MYO5B: variants seen among roughly 807,000 people sequenced by gnomAD.
MYO5B encodes myosin VB.
A neutral mutation model predicts 229.3 loss-of-function variants in MYO5B; 143 were observed. The ratio of observed to expected loss-of-function variants is 0.62; its 90% confidence interval spans 0.54 to 0.72. MYO5B has a LOEUF of 0.72. Among genes scored for constraint, MYO5B ranks in the 30% least tolerant of loss-of-function variants. The pLI, the probability that MYO5B is intolerant of heterozygous loss-of-function variation, is 0.00. For synonymous variants in MYO5B, 918 were observed against 885.2 expected (o/e 1.04, Z -0.66); for missense variants, 2,321 against 2,331.0 (o/e 1.00, Z 0.09).
At position 50,147,679 on chromosome 18, in the gene MYO5B, C is replaced by T. The variant is rs74550392; in HGVS notation, c.27+47088G>A. 3.3e-3 allele frequency among the ~76,000 whole-genome samples: 509 copies of T among 152,278 alleles called. 10 individuals carry two copies. The East Asian group carries it at 0.081, about 24-fold the overall frequency. On this transcript the variant is annotated intron_variant, in intron 1 of 39. Coordinates refer to ENST00000285039, the MANE Select transcript of MYO5B (RefSeq NM_001080467.3). ...TAACATCTTCGGTAGCATACAAGAC[C>T]GTTCCTGAGCCTGGCCCCAGTGACC...
chr18:50,122,627 G>GGGGGGAGAGAAAGAGAGGGAGGGAGGGAA (rs1491122621), intron 1 of MYO5B, among the ~76,000 whole-genome samples: 33 of 2,328 alleles, frequency 0.014, 1 homozygote, highest in African/African-American at 0.029. Context: ...AGGGAGGGAA[G>GGGGGGAGAGAAAGAGAGGGAGGGAGGGAA]GGGGGGGGAG....
At chr18:49,956,909 G>A (rs989096314) in intron 12 of MYO5B, among the ~76,000 whole-genome samples, 22 of 152,080 alleles carry the variant, frequency 1.4e-4, no homozygotes, top group Non-Finnish European at 8.8e-5. Context: ...TGGTTGCCTG[G>A]GGCTGGAGGG....
chr18:49,848,165 G>A (rs2024153761), intron 32 of MYO5B, among the ~76,000 whole-genome samples: 1 of 152,220 alleles, frequency 6.6e-6, no homozygotes, highest in Admixed American at 6.5e-5. Context: ...TCGAACTAAG[G>A]AGACACATCT....
At chr18:50,143,467 T>C (rs1005258903) in intron 1 of MYO5B, among the ~76,000 whole-genome samples, 1 of 152,138 alleles carries the variant, frequency 6.6e-6, no homozygotes, top group African/African-American at 2.4e-5. Flanking sequence ...GCATTCTGTA[T>C]TTAGGAGTTG....
chr18:49,972,392 A>G (rs768092838), intron 10 of MYO5B, among the ~76,000 whole-genome samples: 7 of 152,244 alleles, frequency 4.6e-5, no homozygotes, highest in Non-Finnish European at 8.8e-5. Flanking sequence ...GGAAGATCAC[A>G]GGGAAGGAGA....
rs1042016761 is a variant in MYO5B at position 50,036,815 on chromosome 18, A to T, written c.455+35T>A. The T allele has an allele frequency of 3.1e-6, 5 of 1,613,282 alleles. No individual in the cohort carries two copies. In the South Asian group the frequency reaches 5.5e-5, roughly 18 times the overall value. On this transcript the variant is annotated intron_variant, in intron 4 of 39. Coordinates refer to ENST00000285039, the MANE Select transcript of MYO5B (RefSeq NM_001080467.3). ...AAACTCCCCTTCCTGCCCACTGACT[A>T]CTCAGGAGGACTTCTGGGCTGAGGA... is the stretch of plus-strand genomic sequence containing the variant.
In MYO5B at chr18:49,837,616, T is replaced by A. The variant is rs1202809704; in HGVS notation, c.5039A>T (p.Gln1680Leu). Residue 1680 changes from glutamine (Q) to leucine (L), a missense_variant, in exon 37 of 40, where the codon CAG becomes CTG. Gln to Leu is a moderately radical substitution (Grantham distance 113). Transcript: ENST00000285039. Reference protein sequence around the residue: ...DQGLDPEIILQVFKQLFYMIN... With the variant: ...DQGLDPEIILLVFKQLFYMIN... ...CATGTAGAAGAGCTGTTTGAATACC[T>A]GCAGGATGATCTCAGGGTCCAAGCC... The A allele has an allele frequency of 1.2e-5, 19 of 1,614,014 alleles. No homozygotes were observed. Among genetic ancestry groups the A allele is most frequent in the Non-Finnish European group, 1.5e-5 (18 of 1,179,846 alleles).
Position 49,902,824 on chromosome 18 carries a change from C to T in MYO5B, c.2581G>A (p.Glu861Lys). ...TTCTGGATGGTGGTGGCCTTGTGCT[C>T]CATGAGGACCTGGCGGGAAACAAGG... is the stretch of plus-strand genomic sequence containing the variant. ...VRRTYRQVLM[E>K]HKATTIQKHV... is the part of the protein sequence containing the mutation. The change falls in exon 21 of 40, where the codon GAG (glutamate) becomes AAG (lysine). Residue 861 changes from glutamate (E) to lysine (K), a missense_variant. Around this residue, in one of 2 missense-constraint regions of MYO5B, gnomAD observed 2,113 missense variants for 2,044.7 expected, o/e 1.03. Transcript: ENST00000285039. 1 of 1,600,286 alleles carries T rather than the reference C, an allele frequency of 6.2e-7. No individual in the cohort carries two copies. Among genetic ancestry groups the T allele is most frequent in the Non-Finnish European group, 8.5e-7 (1 of 1,179,874 alleles).
intron 5 of MYO5B, among the ~76,000 whole-genome samples, chr18:49,994,890 T>A (rs2025970714): frequency 6.6e-6 from 1 of 152,222 alleles, no homozygotes; most frequent in African/African-American, 2.4e-5. Flanking sequence ...TTCCCGGACC[T>A]TCAACATAAG....
Position 49,826,244 on chromosome 18 carries a change from C to A in MYO5B, c.*227G>T. The A allele has an allele frequency of 1.8e-6, 1 of 548,928 alleles. No homozygotes were observed. Among genetic ancestry groups the A allele is most frequent in the African/African-American group, 1.9e-5 (1 of 52,692 alleles). 34.0% of individuals were successfully genotyped at this position (548,928 alleles called of 1,614,324 possible). ...TTATGTATATGTGTTGGACTGAAAT[C>A]AAACTTAAAATCTTCCATATTTCAA... is the stretch of plus-strand genomic sequence containing the variant. On this transcript the variant is annotated 3_prime_UTR_variant, in exon 40 of 40. Coordinates refer to ENST00000285039, the MANE Select transcript of MYO5B (RefSeq NM_001080467.3).
chr18:49,965,550 C>A (rs555146498), intron 10 of MYO5B, among the ~76,000 whole-genome samples: 7 of 152,018 alleles, frequency 4.6e-5, no homozygotes, highest in Non-Finnish European at 5.9e-5. Flanking sequence ...TGAGAGCCCA[C>A]AGAACACTAA....
intron 39 of MYO5B, among the ~76,000 whole-genome samples, chr18:49,831,456 T>G (rs11659574): frequency 0.15 from 23,129 of 152,138 alleles, 1,976 homozygotes; most frequent in East Asian, 0.3. Flanking sequence ...ATGAATTAAA[T>G]ACTGGAATAG....
At chr18:49,852,752 A>G (rs1302347348) in intron 31 of MYO5B, among the ~76,000 whole-genome samples, 1 of 151,834 alleles carries the variant, frequency 6.6e-6, no homozygotes, top group Non-Finnish European at 1.5e-5. Flanking sequence ...CATGATTTAC[A>G]TCCCCTTCAT....
intron 1 of MYO5B, among the ~76,000 whole-genome samples, chr18:50,090,897 G>A (rs1162703290): frequency 6.6e-6 from 1 of 152,192 alleles, no homozygotes; most frequent in Non-Finnish European, 1.5e-5. Context: ...TCTGGGTCTG[G>A]AATTCAGAAT....
At chr18:49,959,240 C>A (rs2025530015) in intron 12 of MYO5B, among the ~76,000 whole-genome samples, 1 of 152,226 alleles carries the variant, frequency 6.6e-6, no homozygotes, top group Admixed American at 6.5e-5. Flanking sequence ...GATGACACTT[C>A]AGTGCTTGCC....
At chr18:50,138,195 C>A (rs1375146079) in intron 1 of MYO5B, among the ~76,000 whole-genome samples, 1 of 152,120 alleles carries the variant, frequency 6.6e-6, no homozygotes, top group Non-Finnish European at 1.5e-5. Context: ...CACATATACC[C>A]CGAACCTAAA....
chr18:50,155,258 T>G (rs1221668880), intron 1 of MYO5B, among the ~76,000 whole-genome samples: 1 of 152,146 alleles, frequency 6.6e-6, no homozygotes, highest in Non-Finnish European at 1.5e-5. Flanking sequence ...CTCCACTATA[T>G]TATGCCTTTA....
intron 10 of MYO5B, among the ~76,000 whole-genome samples, chr18:49,965,455 T>TCACACACACACA (rs57101973): frequency 0.031 from 4,560 of 147,142 alleles, 100 homozygotes; most frequent in African/African-American, 0.053. Context: ...ACACTTCTTT[T>TCACACACACACA]CACACACACA....
Position 49,864,130 on chromosome 18 carries a change from C to T in MYO5B, c.3843+11G>A. 6.2e-7 allele frequency: 1 copy of T among 1,606,636 alleles called. No homozygotes were observed. The highest frequency in any genetic ancestry group is 8.5e-7 in the Non-Finnish European group (1 of 1,179,766). ...CCTCGGCAGCCCCACCGCGGGCCGC[C>T]ATCTTGTTACCGCGTTCCTGCCGGC... On this transcript the variant is annotated intron_variant, in intron 28 of 39. Transcript: ENST00000285039.
Sources: gnomAD v4.1 joint callset for allele counts (sites outside exome capture counted in the v4.1 genomes callset) on GRCh38, gnomAD v4.1.1 for gene constraint, gnomAD v4.1.1 regional missense constraint, MANE v1.5 for transcripts, NCBI Gene and HGNC (gene_info 2026-07-23, HGNC 2026-07-21) for gene names.